ERCC6: variants seen among roughly 807,000 people sequenced by gnomAD.
ERCC6 encodes the protein ERCC excision repair 6, chromatin remodeling factor, also known as DNA excision repair protein ERCC-6.
ERCC6 carries 116 observed loss-of-function variants against 158.7 expected under a neutral mutation model. That is an observed-to-expected ratio of 0.73 (90% CI 0.63 to 0.85). ERCC6 has a LOEUF of 0.85. Among genes scored for constraint, ERCC6 ranks in the 40% least tolerant of loss-of-function variants. ERCC6 has a pLI of 0.00. For synonymous variants in ERCC6, 678 were observed against 659.3 expected, an observed-to-expected ratio of 1.03 and a Z score of -0.43; for missense variants, 1,698 against 1,799.4, an observed-to-expected ratio of 0.94 and a Z score of 1.02.
chr10:49,470,992 G>C lies in ERCC6; in HGVS notation c.3053C>G (p.Thr1018Arg). 1 of 1,613,982 alleles carries C rather than the reference G, an allele frequency of 6.2e-7. No homozygotes were observed. The highest frequency in any genetic ancestry group is 8.5e-7 in the Non-Finnish European group (1 of 1,179,998). The change falls in exon 17 of 21, where the codon ACA (threonine) becomes AGA (arginine). Residue 1018 changes from threonine to arginine, a missense_variant. Coordinates refer to ENST00000355832, the MANE Select transcript of ERCC6 (RefSeq NM_000124.4). ...TGTAATACCTGCAAAAATTGCACTT[G>C]TTTCAGTGCTCTGGGATGCATCAGG... is the stretch of plus-strand genomic sequence containing the variant. ...TSPDASQSTE[T>R]SAIFAGTGSD... is the part of the protein sequence containing the mutation.
the ERCC6 span, among the ~76,000 whole-genome samples, chr10:49,447,197 T>C: frequency 3.3e-5 from 5 of 152,250 alleles, no homozygotes; most frequent in African/African-American, 9.6e-5. Context: ...GGAACAACTT[T>C]TAAAACAGAC....
Position 49,459,142 on chromosome 10 carries a change from A to G in ERCC6, c.4155T>C (p.Ala1385=), listed in dbSNP as rs2132523876. 6.2e-7 allele frequency: 1 copy of G among 1,614,216 alleles called. No homozygotes were observed. Among genetic ancestry groups the G allele is most frequent in the Non-Finnish European group, 8.5e-7 (1 of 1,180,046 alleles). Reference sequence around the variant, plus strand: ...TCATTTTAGCCAAGAGTGAGGAGGAAGCGAGGGGCCCGGATGAAGAGTCTG... The same window carrying G: ...TCATTTTAGCCAAGAGTGAGGAGGAGGCGAGGGGCCCGGATGAAGAGTCTG... ...EDADSSSGPL[A]SSSLLAKMRA... The change falls in exon 21 of 21, where the codon GCT becomes GCC. Residue 1385 remains alanine, a synonymous_variant. Coordinates refer to ENST00000355832, the MANE Select transcript of ERCC6 (RefSeq NM_000124.4).
chr10:49,526,676 T>C (rs1837348250), intron 4 of ERCC6, among the ~76,000 whole-genome samples: 1 of 152,196 alleles, frequency 6.6e-6, no homozygotes, highest in Non-Finnish European at 1.5e-5. Context: ...CCTTAGGTCT[T>C]TTGGTATTTT....
rs750222428 is a variant in ERCC6 at position 49,493,189 on chromosome 10, C to T, written c.1749G>A (p.Lys583=). ...CPTTVMHQWV[K]EFHTWWPPFR... ...ACGGAGGCCACCACGTGTGAAATTC[C>T]TTCACCCACTGATGCATCACTGTTG... Residue 583 remains lysine, a synonymous_variant, in exon 8 of 21, where the codon AAG becomes AAA. Coordinates refer to ENST00000355832, the MANE Select transcript of ERCC6 (RefSeq NM_000124.4). 18 of 1,614,078 alleles carry T rather than the reference C, an allele frequency of 1.1e-5. No homozygotes were observed. The highest frequency in any genetic ancestry group is 1.5e-5 in the Non-Finnish European group (18 of 1,179,980).
upstream of ERCC6, chr10:49,539,408 C>T (rs184302780): frequency 6.6e-6 from 1 of 152,444 alleles, no homozygotes; most frequent in African/African-American, 2.4e-5. Flanking sequence ...AGAAAGTCAG[C>T]TTGGGCAGGG....
chr10:49,519,208 A>G (rs897074182), intron 5 of ERCC6, among the ~76,000 whole-genome samples: 1 of 152,084 alleles, frequency 6.6e-6, no homozygotes, highest in South Asian at 2.1e-4. Context: ...TAAATATTGC[A>G]CCTTCTACTC....
intron 16 of ERCC6, among the ~76,000 whole-genome samples, chr10:49,471,923 C>T (rs756763474): frequency 3.3e-5 from 5 of 152,148 alleles, no homozygotes; most frequent in Non-Finnish European, 7.3e-5. Context: ...AGACAGAGGA[C>T]GAAACAGCCA....
intron 11 of ERCC6, 70 bp from the exon 12 acceptor site, chr10:49,476,380 C>A: frequency 9.5e-7 from 1 of 1,057,042 alleles, no homozygotes; most frequent in Non-Finnish European, 1.4e-6. Flanking sequence ...AAAATATCAA[C>A]AAAACTTCCT....
chr10:49,487,198 A>C (rs902932325), intron 8 of ERCC6, among the ~76,000 whole-genome samples: 3 of 152,238 alleles, frequency 2.0e-5, no homozygotes, highest in Admixed American at 1.3e-4. Context: ...ATAAAGAGAC[A>C]TTGTCTTCTC....
At position 49,459,108 on chromosome 10, in the gene ERCC6, T is replaced by C. The variant is rs961974385; in HGVS notation, c.4189A>G (p.Asn1397Asp). The part of the protein sequence containing the change: ...SSLLAKMRAR[N>D]HLILPERLES... ...AAACGCTCTGGCAGAATCAGGTGGT[T>C]TCTAGCTCTCATTTTAGCCAAGAGT... Residue 1397 changes from asparagine to aspartate, a missense_variant, in exon 21 of 21, where the codon AAC becomes GAC. By Grantham distance (23) the Asn-to-Asp change is conservative. Transcript: ENST00000355832. 1.2e-6 allele frequency: 2 copies of C among 1,614,078 alleles called. No homozygotes were observed. Among genetic ancestry groups the C allele is most frequent in the Non-Finnish European group, 1.7e-6 (2 of 1,180,038 alleles).
intron 5 of ERCC6, chr10:49,515,500 G>A (rs1353422369): frequency 6.2e-7 from 1 of 1,614,130 alleles, no homozygotes; most frequent in Admixed American, 1.7e-5. Context: ...CGCTTCTGAG[G>A]TCTTCCTTTT....
At chr10:49,510,748 G>A (rs1403809725) in intron 5 of ERCC6, among the ~76,000 whole-genome samples, 1 of 152,156 alleles carries the variant, frequency 6.6e-6, no homozygotes, top group Non-Finnish European at 1.5e-5. Context: ...ATTCGGTTAG[G>A]GAAAAGGAAG....
chr10:49,465,520 G>A (rs970842748), intron 18 of ERCC6, among the ~76,000 whole-genome samples: 5 of 152,134 alleles, frequency 3.3e-5, no homozygotes, highest in Admixed American at 3.3e-4. Context: ...AGATATGGGA[G>A]GGGCCAGAGG....
chr10:49,520,436 T>C (rs1273964134), intron 5 of ERCC6, among the ~76,000 whole-genome samples: 1 of 152,146 alleles, frequency 6.6e-6, no homozygotes, highest in African/African-American at 2.4e-5. Flanking sequence ...AGTCAAATGA[T>C]AAACACTAAC....
chr10:49,459,257 C>G lies in ERCC6; in HGVS notation c.4063-23G>C. 3 of 1,611,806 alleles carry G rather than the reference C, an allele frequency of 1.9e-6. No homozygotes were observed. The Middle Eastern group carries it at 5.0e-4, about 268-fold the overall frequency. The stretch of plus-strand genomic sequence containing the variant: ...ATCCTATAAAAAGAAGACCACTATA[C>G]TGATATATTTAATTTCTAGTTTATG... On this transcript the variant is annotated intron_variant, in intron 20 of 20. Coordinates refer to ENST00000355832, the MANE Select transcript of ERCC6 (RefSeq NM_000124.4).
In ERCC6 at chr10:49,482,782, T is replaced by C; in HGVS notation, c.2074A>G (p.Ile692Val). The C allele has an allele frequency of 1.2e-6, 2 of 1,613,858 alleles. No homozygotes were observed. Among genetic ancestry groups the C allele is most frequent in the Non-Finnish European group, 1.7e-6 (2 of 1,179,948 alleles). ...LRELWSLFDF[I>V]FPGKLGTLPV... Reference sequence around the variant, plus strand: ...AACGTGCCTAACTTTCCCGGGAAGATGAAGTCAAAGAGCGACCACAGCTCT... The same window carrying C: ...AACGTGCCTAACTTTCCCGGGAAGACGAAGTCAAAGAGCGACCACAGCTCT... The change falls in exon 10 of 21, where the codon ATC (isoleucine) becomes GTC (valine). Residue 692 changes from isoleucine to valine, a missense_variant. By Grantham distance (29) the Ile-to-Val change is conservative. Transcript: ENST00000355832.
At chr10:49,447,444 T>C in the ERCC6 span, among the ~76,000 whole-genome samples, 1 of 152,086 alleles carries the variant, frequency 6.6e-6, no homozygotes, top group African/African-American at 2.4e-5. Flanking sequence ...TCCCAGCACT[T>C]TGGGAGGCCG....
chr10:49,511,720 C>T (rs771053669), intron 5 of ERCC6, among the ~76,000 whole-genome samples: 1 of 152,132 alleles, frequency 6.6e-6, no homozygotes. Context: ...CCACCATTCC[C>T]GACCCATCAG....
Position 49,515,566 on chromosome 10 carries a change from G to A in ERCC6, c.1397+8467C>T, listed in dbSNP as rs771598094. ...TCCAGATAATGGCATACCACACGTC[G>A]ACGAAACTCCAGAAAATCCACTGGT... is the stretch of plus-strand genomic sequence containing the variant. On this transcript the variant is annotated intron_variant, in intron 5 of 20. Transcript: ENST00000355832. The A allele has an allele frequency of 2.5e-6, 4 of 1,614,020 alleles. No individual in the cohort carries two copies. Among genetic ancestry groups the A allele is most frequent in the Non-Finnish European group, 2.5e-6 (3 of 1,179,992 alleles).
Sources: allele counts gnomAD v4.1 joint callset (sites outside exome capture counted in the v4.1 genomes callset), GRCh38; gene constraint gnomAD v4.1.1; transcripts MANE v1.5; gene names NCBI Gene and HGNC (gene_info 2026-07-23, HGNC 2026-07-21).